The following LRP1B variants were observed in gnomAD, a reference collection of about 807,000 sequenced individuals.
LRP1B encodes the protein LDL receptor related protein 1B.
Under a neutral mutation model 556.6 loss-of-function variants are expected in LRP1B, and 217 were observed. The observed-to-expected ratio is 0.39, with a 90% CI of 0.35 to 0.44. LRP1B has a LOEUF of 0.44. Among genes scored for constraint, LRP1B ranks in the 20% least tolerant of loss-of-function variants. LRP1B has a pLI of 1.00. For missense variants in LRP1B, 5,053 were observed against 5,620.8 expected, an observed-to-expected ratio of 0.90 and a Z score of 3.23; for synonymous variants, 2,047 against 1,865.8, an observed-to-expected ratio of 1.10 and a Z score of -2.50.
intron 71 of LRP1B, among the ~76,000 whole-genome samples, chr2:140,367,605 A>G (rs764203813): frequency 3.3e-5 from 5 of 151,814 alleles, no homozygotes; most frequent in African/African-American, 4.8e-5. Context: ...CTATTTAACA[A>G]CTGTCTCACT....
intron 2 of LRP1B, among the ~76,000 whole-genome samples, chr2:141,792,156 A>G (rs529802207): frequency 4.7e-4 from 71 of 152,090 alleles, no homozygotes; most frequent in African/African-American, 1.7e-3. Context: ...TACAAATTTA[A>G]TACAACATAA....
At chr2:141,075,433 C>T (rs780943364) in intron 7 of LRP1B, among the ~76,000 whole-genome samples, 1 of 152,058 alleles carries the variant, frequency 6.6e-6, no homozygotes, top group Non-Finnish European at 1.5e-5. Flanking sequence ...GGTGTCATTC[C>T]ATTTAATACA....
intron 3 of LRP1B, among the ~76,000 whole-genome samples, chr2:141,299,704 T>C (rs755512724): frequency 2.0e-5 from 3 of 152,216 alleles, no homozygotes; most frequent in Non-Finnish European, 2.9e-5. Flanking sequence ...TAAAACTTAC[T>C]TCAAAAAACT....
chr2:140,273,649 T>A (rs974378811), intron 85 of LRP1B, among the ~76,000 whole-genome samples: 10 of 152,086 alleles, frequency 6.6e-5, no homozygotes, highest in Middle Eastern at 3.4e-3. Flanking sequence ...TGTCTCATAT[T>A]CTTATTTATT....
intron 49 of LRP1B, among the ~76,000 whole-genome samples, chr2:140,522,197 T>C (rs1395619680): frequency 6.6e-6 from 1 of 151,834 alleles, no homozygotes; most frequent in Non-Finnish European, 1.5e-5. Flanking sequence ...AAAACAAGTC[T>C]CAATAAATTT....
chr2:140,459,091 C>A (rs151271200), intron 60 of LRP1B, among the ~76,000 whole-genome samples: 2,174 of 152,140 alleles, frequency 0.014, 21 homozygotes, highest in Non-Finnish European at 0.023. Flanking sequence ...GATGTGCACA[C>A]AACTTAATTA....
At position 140,701,745 on chromosome 2, in the gene LRP1B, T is replaced by C. The variant is rs1189755281; in HGVS notation, c.6403A>G (p.Ile2135Val). Residue 2135 changes from isoleucine to valine, a missense_variant, in exon 40 of 91, where the codon ATA becomes GTA. This residue lies in a region of LRP1B where 3,619 missense variants were observed against 3,931.9 expected (regional missense o/e 0.92). Coordinates refer to ENST00000389484, the MANE Select transcript of LRP1B (RefSeq NM_018557.3). ...GLGVNLKEVK[I>V]FNRVREKGTN... is the part of the protein sequence containing the mutation. ...CCTTTCTCTCTTACTCGGTTAAATA[T>C]TTTAACCTCCTTCAGGTTGACTCCA... is the stretch of plus-strand genomic sequence containing the variant. The C allele has an allele frequency of 6.2e-7, 1 of 1,612,672 alleles. No homozygotes were observed. The highest frequency in any genetic ancestry group is 2.2e-5 in the East Asian group (1 of 44,870).
chr2:142,088,759 AG>A (rs556627802), intron 1 of LRP1B, among the ~76,000 whole-genome samples: 360 of 152,156 alleles, frequency 2.4e-3, no homozygotes, highest in Middle Eastern at 0.01. Context: ...GAGGAACACG[AG>A]GTCAGGAGAT....
In LRP1B at chr2:141,857,767, C is replaced by T. The variant is rs541244431; in HGVS notation, c.83-47366G>A. On this transcript the variant is annotated intron_variant, in intron 1 of 90. Coordinates refer to ENST00000389484, the MANE Select transcript of LRP1B (RefSeq NM_018557.3). ...AGTTCAACATTACATAAGGCTTTCACAAGGTAGTTAACCTTCTTCCTCTCC... is the reference window on the plus strand; with the variant it reads ...AGTTCAACATTACATAAGGCTTTCATAAGGTAGTTAACCTTCTTCCTCTCC... Among the ~76,000 whole-genome samples the T allele has an allele frequency of 2.0e-5, 3 of 152,294 alleles. No homozygotes were observed. In the East Asian group the frequency reaches 5.8e-4, roughly 29 times the overall value.
intron 7 of LRP1B, among the ~76,000 whole-genome samples, chr2:141,183,165 A>T (rs942202786): frequency 1.3e-5 from 2 of 151,956 alleles, no homozygotes; most frequent in African/African-American, 4.8e-5. Flanking sequence ...TAACATTTTC[A>T]CTTATGTCCT....
intron 7 of LRP1B, among the ~76,000 whole-genome samples, chr2:141,136,145 T>C (rs1701486530): frequency 6.6e-6 from 1 of 151,880 alleles, no homozygotes; most frequent in Admixed American, 6.6e-5. Context: ...GGCTATATAT[T>C]TAAGTTTGTA....
chr2:141,952,675 T>G (rs1427822210), intron 1 of LRP1B, among the ~76,000 whole-genome samples: 1 of 152,150 alleles, frequency 6.6e-6, no homozygotes, highest in Admixed American at 6.6e-5. Context: ...CTAAGCACAG[T>G]AGAGAATCCC....
chr2:141,289,243 G>A (rs971312606), intron 3 of LRP1B, among the ~76,000 whole-genome samples: 2 of 151,568 alleles, frequency 1.3e-5, no homozygotes, highest in South Asian at 2.1e-4. Context: ...AAAATTAGCC[G>A]GGGTGTCGGG....
chr2:141,333,385 T>A (rs1687730525), intron 3 of LRP1B, among the ~76,000 whole-genome samples: 1 of 152,150 alleles, frequency 6.6e-6, no homozygotes, highest in Non-Finnish European at 1.5e-5. Flanking sequence ...CTCCCTTTTT[T>A]CTTTTATTAA....
In LRP1B at chr2:140,937,325, G is replaced by A. The variant is rs79904884; in HGVS notation, c.3136+12910C>T. ...GGAAGAAACTTGGTGACATTGTGCT[G>A]AGTAAAATAAATCAGTTACAAACAA... On this transcript the variant is annotated intron_variant, in intron 20 of 90. Coordinates refer to ENST00000389484, the MANE Select transcript of LRP1B (RefSeq NM_018557.3). Among the ~76,000 whole-genome samples the A allele has an allele frequency of 5.3e-5, 8 of 152,156 alleles. No homozygotes were observed. The East Asian group carries it at 1.4e-3, about 26-fold the overall frequency.
intron 6 of LRP1B, among the ~76,000 whole-genome samples, chr2:141,191,153 G>A (rs996119173): frequency 3.3e-5 from 5 of 151,826 alleles, no homozygotes; most frequent in African/African-American, 9.7e-5. Flanking sequence ...ATCATACTTA[G>A]TATGAAAATA....
Position 141,806,695 on chromosome 2 carries a change from G to A in LRP1B, c.205+3584C>T, listed in dbSNP as rs141870351. 1.8e-4 allele frequency among the ~76,000 whole-genome samples: 27 copies of A among 152,008 alleles called. 2 individuals are homozygous for A. The highest frequency in any genetic ancestry group is 5.3e-4 in the African/African-American group (22 of 41,494). ...CAGAAGAGAAGGAAAATATGGACTC[G>A]ATAAACTTTCAGATTTCTAAGTATC... On this transcript the variant is annotated intron_variant, in intron 2 of 90. Coordinates refer to ENST00000389484, the MANE Select transcript of LRP1B (RefSeq NM_018557.3).
chr2:141,143,096 T>A (rs1432889798), intron 7 of LRP1B, among the ~76,000 whole-genome samples: 2 of 151,786 alleles, frequency 1.3e-5, no homozygotes, highest in Non-Finnish European at 2.9e-5. Flanking sequence ...GCCTGGCTAA[T>A]TTTTTTGTAT....
intron 5 of LRP1B, among the ~76,000 whole-genome samples, chr2:141,238,681 G>A (rs1273601696): frequency 6.6e-6 from 1 of 152,082 alleles, no homozygotes; most frequent in Non-Finnish European, 1.5e-5. Context: ...ACGTATAGGA[G>A]TAATGAGGAT....
Sources: gnomAD v4.1 joint callset for allele counts (sites outside exome capture counted in the v4.1 genomes callset) on GRCh38, gnomAD v4.1.1 for gene constraint, gnomAD v4.1.1 regional missense constraint, MANE v1.5 for transcripts, NCBI Gene and HGNC (gene_info 2026-07-23, HGNC 2026-07-21) for gene names.